The following LYPD5 variants were observed in gnomAD, a reference collection of about 807,000 sequenced individuals.
The protein encoded by LYPD5 is ly6/PLAUR domain-containing protein 5.
In LYPD5, 21 loss-of-function variants were observed where a neutral mutation model predicts 19.1. The ratio of observed to expected loss-of-function variants is 1.10; its 90% CI spans 0.78 to 1.58. The LOEUF is 1.58. Among genes scored for constraint, LYPD5 ranks in the 40% most tolerant of loss-of-function variants. The pLI is 0.00. For missense variants in LYPD5, 287 were observed against 329.8 expected, an observed-to-expected ratio of 0.87 and a Z score of 1.00; for synonymous variants, 128 against 142.7, an observed-to-expected ratio of 0.90 and a Z score of 0.74.
chr19:43,808,346 T>C (rs752588893), intron 1 of LYPD5, among the ~76,000 whole-genome samples: 2 of 152,164 alleles, frequency 1.3e-5, no homozygotes, highest in African/African-American at 2.4e-5. Context: ...CCCCAACTGA[T>C]CCACTGGCCT....
chr19:43,798,591 C>G lies in LYPD5; in HGVS notation c.381G>C (p.Pro127=), dbSNP rs142112091. The G allele has an allele frequency of 9.9e-6, 16 of 1,610,448 alleles. No homozygotes were observed. In the African/African-American group the frequency reaches 2.0e-4, roughly 20 times the overall value. The change falls in exon 4 of 5, where the codon CCG becomes CCC. Residue 127 remains proline, a synonymous_variant. Transcript: ENST00000377950. The part of the protein sequence containing the change: ...ALPNLSQAPD[P]PTLSGAECYA... ...AGCACTCGGCGCCGCTGAGCGTCGG[C>G]GGGTCGGGTGCTGGCAAGAGAGCGT...
upstream of LYPD5, among the ~76,000 whole-genome samples, chr19:43,804,043 G>T (rs998306743): frequency 1.3e-5 from 2 of 152,096 alleles, no homozygotes; most frequent in Non-Finnish European, 2.9e-5. Flanking sequence ...TCACCATGTT[G>T]GCCAGGCTGG....
chr19:43,819,271 C>T (rs1970398863), intron 1 of LYPD5, among the ~76,000 whole-genome samples: 2 of 127,080 alleles, frequency 1.6e-5, no homozygotes, highest in South Asian at 2.9e-4. Flanking sequence ...TTTTTCCCTT[C>T]TTCTTCTTCT....
chr19:43,806,991 A>G (rs1159188942), upstream of LYPD5, among the ~76,000 whole-genome samples: 2 of 152,190 alleles, frequency 1.3e-5, no homozygotes, highest in East Asian at 3.8e-4. Flanking sequence ...CGAAGGTATA[A>G]CCATGTTGTA....
chr19:43,799,136 T>C (rs1599693193), intron 2 of LYPD5, 148 bp from the exon 3 acceptor site: 2 of 786,856 alleles, frequency 2.5e-6, no homozygotes, highest in South Asian at 2.0e-5. Flanking sequence ...CCAGACCTTT[T>C]CCCCCGAGTT....
rs747508529 is a variant in LYPD5 at position 43,797,549 on chromosome 19, T to C, written c.*42A>G. 7.0e-6 allele frequency: 10 copies of C among 1,422,014 alleles called. No homozygotes were observed. The Admixed American group carries it at 1.6e-4, about 22-fold the overall frequency. The allele number at this position is 1,422,014 out of a possible 1,614,324, so 88.1% of individuals were successfully genotyped here. A position where few individuals can be genotyped will look rare whatever the true frequency, so the allele number is the denominator to read the frequency against. On this transcript the variant is annotated 3_prime_UTR_variant, in exon 5 of 5. Transcript: ENST00000377950. ...GTGATAGGGGCTGAAGCAGCAAGAA[T>C]GAGGTGTGTGAGCCCTGTCCCCAGC...
upstream of LYPD5, among the ~76,000 whole-genome samples, chr19:43,804,891 C>CT (rs756227303): frequency 4.9e-4 from 74 of 152,290 alleles, no homozygotes; most frequent in Non-Finnish European, 9.3e-4. Context: ...GGGATTGAGG[C>CT]TTACAGGGTA....
chr19:43,818,732 A>C (rs191066698), intron 1 of LYPD5, among the ~76,000 whole-genome samples: 182 of 152,286 alleles, frequency 1.2e-3, no homozygotes, highest in African/African-American at 4.2e-3. Context: ...AAGTTTCCAG[A>C]GGCCCCAGGC....
upstream of LYPD5, among the ~76,000 whole-genome samples, chr19:43,804,539 C>A (rs1016512817): frequency 5.9e-5 from 9 of 152,200 alleles, no homozygotes; most frequent in African/African-American, 1.7e-4. Flanking sequence ...TTCCCTATTG[C>A]AATCTCCTTG....
intron 1 of LYPD5, among the ~76,000 whole-genome samples, chr19:43,819,414 G>A (rs1469810422): frequency 2.0e-5 from 3 of 151,368 alleles, no homozygotes; most frequent in African/African-American, 7.3e-5. Flanking sequence ...CCTCCCGAGG[G>A]GTCTAGGAGA....
chr19:43,807,331 A>G (rs1970279775), upstream of LYPD5, among the ~76,000 whole-genome samples: 1 of 143,492 alleles, frequency 7.0e-6, no homozygotes, highest in South Asian at 2.2e-4. Flanking sequence ...CCCAGGCTGG[A>G]GTGCAATGGT....
In LYPD5 at chr19:43,798,848, G is replaced by A. The variant is rs1355854443; in HGVS notation, c.334C>T (p.Leu112Phe). ...GCTTDKCNAH[L>F]MTHDALPNLS... ...TTGGGGAGGGCGTCATGAGTCATGA[G>A]GTGGGCGTTGCATTTGTCAGTTGTG... The change falls in exon 3 of 5, where the codon CTC becomes TTC. Residue 112 changes from leucine to phenylalanine, a missense_variant. Leu to Phe is a conservative substitution (Grantham distance 22, BLOSUM62 0). Transcript: ENST00000377950. The A allele has an allele frequency of 2.5e-6, 4 of 1,611,006 alleles. No homozygotes were observed. The Admixed American group carries it at 6.7e-5, about 27-fold the overall frequency.
intron 1 of LYPD5, among the ~76,000 whole-genome samples, chr19:43,811,360 C>G (rs1970322266): frequency 6.6e-6 from 1 of 152,088 alleles, no homozygotes; most frequent in African/African-American, 2.4e-5. Context: ...AATTTTATTG[C>G]AAACAAATTT....
At chr19:43,802,534 G>GTTTTTTTTTT, upstream of LYPD5, 1 of 618,196 alleles carries the variant, frequency 1.6e-6, no homozygotes, top group Non-Finnish European at 2.9e-6. Context: ...CTAGGTAATC[G>GTTTTTTTTTT]TGATGGAAAC....
upstream of LYPD5, among the ~76,000 whole-genome samples, chr19:43,805,098 G>A (rs1308543496): frequency 6.6e-6 from 1 of 152,172 alleles, no homozygotes; most frequent in African/African-American, 2.4e-5. Flanking sequence ...GAATGCCTTA[G>A]AATGTTCTCA....
intron 1 of LYPD5, among the ~76,000 whole-genome samples, chr19:43,807,812 T>G (rs982516050): frequency 1.3e-5 from 2 of 152,214 alleles, no homozygotes. Context: ...GGCACTGGGC[T>G]TCTGGGTTCT....
chr19:43,809,672 G>A (rs547875068), intron 1 of LYPD5, among the ~76,000 whole-genome samples: 248 of 152,312 alleles, frequency 1.6e-3, no homozygotes, highest in African/African-American at 5.7e-3. Flanking sequence ...GATTACAGGC[G>A]TGAGCCACTG....
chr19:43,803,319 T>G (rs1048216743), upstream of LYPD5, among the ~76,000 whole-genome samples: 26 of 152,300 alleles, frequency 1.7e-4, no homozygotes, highest in African/African-American at 6.0e-4. Flanking sequence ...CAGACACATG[T>G]GGATGCTCAG....
intron 1 of LYPD5, among the ~76,000 whole-genome samples, chr19:43,813,991 G>T (rs1970348549): frequency 6.6e-6 from 1 of 152,146 alleles, no homozygotes; most frequent in African/African-American, 2.4e-5. Context: ...CCCAACCAAG[G>T]ATTATTTTTA....
Sources: allele counts gnomAD v4.1 joint callset (sites outside exome capture counted in the v4.1 genomes callset), GRCh38; gene constraint gnomAD v4.1.1; transcripts MANE v1.5; gene names NCBI Gene and HGNC (gene_info 2026-07-23, HGNC 2026-07-21).